MICU1: variants seen among roughly 807,000 people sequenced by gnomAD.
The protein encoded by MICU1 is calcium uptake protein 1, mitochondrial.
MICU1 carries 45 observed loss-of-function variants against 56.8 expected under a neutral mutation model. The observed-to-expected ratio is 0.79, with a 90% confidence interval of 0.62 to 1.02. The LOEUF (loss-of-function observed/expected upper bound fraction) is 1.02. Ranked by LOEUF, MICU1 falls within the 50% of genes least tolerant of loss-of-function variation. The pLI is 0.00. For missense variants in MICU1, 504 were observed against 587.1 expected (o/e 0.86, Z 1.46); for synonymous variants, 186 against 195.1 (o/e 0.95, Z 0.39).
At chr10:72,387,680 T>C (rs1484544392) in intron 10 of MICU1, among the ~76,000 whole-genome samples, 2 of 150,580 alleles carry the variant, frequency 1.3e-5, no homozygotes, top group Non-Finnish European at 2.9e-5. Context: ...TATAAACAAC[T>C]TAGAACTTCT....
At chr10:72,610,583 C>A (rs1161861508) in intron 1 of MICU1, among the ~76,000 whole-genome samples, 1 of 152,196 alleles carries the variant, frequency 6.6e-6, no homozygotes, top group East Asian at 1.9e-4. Context: ...TACCAGAACT[C>A]AGTCAACTGT....
chr10:72,469,140 C>T (rs956897471), intron 8 of MICU1, among the ~76,000 whole-genome samples: 7 of 152,164 alleles, frequency 4.6e-5, no homozygotes, highest in Admixed American at 2.0e-4. Context: ...ATATAAAGTG[C>T]CTGGCTCATA....
At chr10:72,604,719 T>C (rs1016696953) in intron 1 of MICU1, among the ~76,000 whole-genome samples, 4 of 152,234 alleles carry the variant, frequency 2.6e-5, no homozygotes, top group East Asian at 1.9e-4. Flanking sequence ...AAAGTGCTAC[T>C]GAACATATAG....
chr10:72,608,722 C>T (rs567294352), intron 1 of MICU1, among the ~76,000 whole-genome samples: 3 of 152,258 alleles, frequency 2.0e-5, no homozygotes, highest in Non-Finnish European at 2.9e-5. Flanking sequence ...ATTTTAAGAT[C>T]GGCCTAAATG....
intron 10 of MICU1, among the ~76,000 whole-genome samples, chr10:72,387,865 C>G (rs1359861691): frequency 6.6e-6 from 1 of 150,486 alleles, no homozygotes; most frequent in African/African-American, 2.4e-5. Flanking sequence ...ATAAGATAAA[C>G]AGGCAGAAGA....
At chr10:72,387,408 G>A (rs1003351402) in intron 10 of MICU1, among the ~76,000 whole-genome samples, 3 of 152,088 alleles carry the variant, frequency 2.0e-5, no homozygotes, top group Admixed American at 6.5e-5. Context: ...TAACATAAAC[G>A]AACATCTGTT....
Position 72,620,508 on chromosome 10 carries a change from G to A in MICU1, c.-2+5502C>T, listed in dbSNP as rs373372753. On this transcript the variant is annotated intron_variant, in intron 1 of 11. Coordinates refer to ENST00000361114, the MANE Select transcript of MICU1 (RefSeq NM_001195518.2). ...GCCAAGCACTTCAAGTTTTAAATAA[G>A]CAACATTAAATCACTTTGAAGAGAA... Among the ~76,000 whole-genome samples the A allele has an allele frequency of 3.9e-4, 60 of 152,200 alleles. No individual in the cohort carries two copies. The South Asian group carries it at 0.012, about 31-fold the overall frequency.
intron 6 of MICU1, among the ~76,000 whole-genome samples, chr10:72,504,343 T>C (rs1015928168): frequency 6.6e-6 from 1 of 152,108 alleles, no homozygotes; most frequent in South Asian, 2.1e-4. Flanking sequence ...ACCATCTTAT[T>C]TTCAACTAAG....
At chr10:72,456,322 CTT>C (rs1312620877) in intron 8 of MICU1, among the ~76,000 whole-genome samples, 1 of 152,158 alleles carries the variant, frequency 6.6e-6, no homozygotes, top group Non-Finnish European at 1.5e-5. Context: ...AATATTCACT[CTT>C]GTGTAATCCC....
At chr10:72,504,554 G>A (rs1867181440) in intron 6 of MICU1, among the ~76,000 whole-genome samples, 1 of 152,114 alleles carries the variant, frequency 6.6e-6, no homozygotes, top group South Asian at 2.1e-4. Flanking sequence ...TACCATTCTA[G>A]ACATCAACTT....
chr10:72,625,141 A>C (rs74148041), intron 1 of MICU1, among the ~76,000 whole-genome samples: 6,085 of 152,292 alleles, frequency 0.04, 398 homozygotes, highest in African/African-American at 0.13. Context: ...GAAGCCACCC[A>C]AACAAGTGAG....
chr10:72,431,271 C>T (rs1337090406), intron 8 of MICU1, among the ~76,000 whole-genome samples: 8 of 152,110 alleles, frequency 5.3e-5, no homozygotes, highest in Admixed American at 5.2e-4. Flanking sequence ...GCAGGGATTG[C>T]AGGCGAGCAC....
intron 10 of MICU1, among the ~76,000 whole-genome samples, chr10:72,405,847 T>C (rs2132099147): frequency 6.6e-6 from 1 of 152,252 alleles, no homozygotes; most frequent in South Asian, 2.1e-4. Flanking sequence ...TTTCTTAATC[T>C]GACAACGAGC....
At chr10:72,533,619 C>T (rs1261780382) in intron 5 of MICU1, 127 bp downstream of exon 5, 2 of 662,900 alleles carry the variant, frequency 3.0e-6, no homozygotes, top group Non-Finnish European at 4.9e-6. Flanking sequence ...GACCCCCTAA[C>T]CTAAGCATGC....
intron 9 of MICU1, among the ~76,000 whole-genome samples, chr10:72,418,581 G>C (rs1160533353): frequency 1.3e-5 from 2 of 152,162 alleles, no homozygotes; most frequent in African/African-American, 2.4e-5. Flanking sequence ...AAAAATGGCT[G>C]TGAAACATTG....
chr10:72,569,271 G>T (rs1840545880), intron 1 of MICU1, among the ~76,000 whole-genome samples: 2 of 94,348 alleles, frequency 2.1e-5, no homozygotes, highest in Non-Finnish European at 3.9e-5. Flanking sequence ...GTCTCACTCT[G>T]TTGCCCAAGC....
At position 72,500,280 on chromosome 10, in the gene MICU1, A is replaced by ATATT. The variant is rs1239833820; in HGVS notation, c.652+7874_652+7875insAATA. ...TACATACATATATATATATATATATATATATATATATATATATATATATTT... is the reference window on the plus strand; with the variant it reads ...TACATACATATATATATATATATATATATTTATATATATATATATATATATATTT... On this transcript the variant is annotated intron_variant, in intron 6 of 11. Transcript: ENST00000361114. Among the ~76,000 whole-genome samples, 137 of 23,454 alleles carry ATATT rather than the reference A, an allele frequency of 5.8e-3. 5 individuals carry two copies. The highest frequency in any genetic ancestry group is 0.018 in the African/African-American group (128 of 7,230). The allele number at this position is 23,454 out of a possible 152,430, so 15.4% of individuals were successfully genotyped here.
chr10:72,573,836 T>C (rs554449509), intron 1 of MICU1, among the ~76,000 whole-genome samples: 2 of 152,258 alleles, frequency 1.3e-5, no homozygotes, highest in South Asian at 4.1e-4. Context: ...GGCCCAATAA[T>C]GTCTCAACAA....
chr10:72,460,354 T>A (rs1257273418), intron 8 of MICU1, among the ~76,000 whole-genome samples: 2 of 152,168 alleles, frequency 1.3e-5, no homozygotes, highest in East Asian at 3.8e-4. Context: ...TCTCTCTCTC[T>A]CCCACTCTCT....
Sources: allele counts gnomAD v4.1 joint callset (sites outside exome capture counted in the v4.1 genomes callset), GRCh38; gene constraint gnomAD v4.1.1; transcripts MANE v1.5; gene names NCBI Gene and HGNC (gene_info 2026-07-23, HGNC 2026-07-21).